Variants in CHL1 observed in about 807,000 individuals in gnomAD.
The protein encoded by CHL1 is neural cell adhesion molecule L1-like protein.
CHL1 carries 96 observed loss-of-function variants against 141.9 expected under a neutral mutation model. The ratio of observed to expected loss-of-function variants is 0.68; its 90% CI spans 0.57 to 0.80. The LOEUF (loss-of-function observed/expected upper bound fraction) is 0.80, where lower values mean the gene tolerates loss of function less well. Ranked by LOEUF, CHL1 falls within the 30% of genes least tolerant of loss-of-function variation. The pLI, the probability that CHL1 is intolerant of heterozygous loss-of-function variation, is 0.00. For synonymous variants in CHL1, 613 were observed against 502.2 expected (o/e 1.22, Z -2.95); for missense variants, 1,820 against 1,457.2 (o/e 1.25, Z -4.05).
At chr3:301,624 C>T (rs745734791) in intron 2 of CHL1, among the ~76,000 whole-genome samples, 6 of 152,194 alleles carry the variant, frequency 3.9e-5, no homozygotes, top group Middle Eastern at 3.2e-3. Flanking sequence ...AGAAGCAAAG[C>T]AGAATTCTTG....
intron 2 of CHL1, among the ~76,000 whole-genome samples, chr3:318,641 A>G (rs773012963): frequency 5.3e-5 from 8 of 151,330 alleles, no homozygotes; most frequent in Non-Finnish European, 1.2e-4. Context: ...AATGAGAAGC[A>G]TCTTACGCCT....
At chr3:328,433 A>C (rs1017153175) in intron 5 of CHL1, 79 bp downstream of exon 5, 2 of 1,199,326 alleles carry the variant, frequency 1.7e-6, no homozygotes, top group African/African-American at 3.1e-5. Context: ...GTTCCAATGA[A>C]ATAAAGCAGT....
Position 375,399 on chromosome 3 carries a change from T to A in CHL1, c.1752-2419T>A, listed in dbSNP as rs554666838. Among the ~76,000 whole-genome samples the A allele has an allele frequency of 1.5e-4, 23 of 151,136 alleles. 1 individual carries two copies. The South Asian group carries it at 4.6e-3, about 30-fold the overall frequency. Reference sequence around the variant, plus strand: ...GGGCATTGAGAATCCAGTGGGAGGGTTTTTCCTTGGCACCAAATAGGAGCT... The same window carrying A: ...GGGCATTGAGAATCCAGTGGGAGGGATTTTCCTTGGCACCAAATAGGAGCT... On this transcript the variant is annotated intron_variant, in intron 15 of 27. Coordinates refer to ENST00000256509, the MANE Select transcript of CHL1 (RefSeq NM_006614.4).
Position 349,411 on chromosome 3 carries a change from A to C in CHL1, c.901A>C (p.Arg301=). ...AATTGGTGGTGACTTACCAAAGGGG[A>C]GAGAAACAAAAGAAAATTATGGCAA... ...NKIGGDLPKG[R]ETKENYGKTL... is the part of the protein sequence containing the mutation. Residue 301 remains arginine, a synonymous_variant, in exon 10 of 28, where the codon AGA becomes CGA. Transcript: ENST00000256509. 1 of 1,613,892 alleles carries C rather than the reference A, an allele frequency of 6.2e-7. No homozygotes were observed. Among genetic ancestry groups the C allele is most frequent in the African/African-American group, 1.3e-5 (1 of 75,048 alleles).
chr3:295,046 C>G (rs1698065129), intron 2 of CHL1, among the ~76,000 whole-genome samples: 1 of 152,124 alleles, frequency 6.6e-6, no homozygotes, highest in South Asian at 2.1e-4. Context: ...TCTCCTTCTC[C>G]TCTTCCTTTC....
chr3:363,052 C>G (rs182485325), intron 13 of CHL1, among the ~76,000 whole-genome samples, 165 bp from the exon 14 acceptor site: 1 of 152,276 alleles, frequency 6.6e-6, no homozygotes, highest in Non-Finnish European at 1.5e-5. Context: ...ATAAGATATA[C>G]AATCTTGGTC....
intron 16 of CHL1, among the ~76,000 whole-genome samples, chr3:381,212 G>A (rs1382917082): frequency 6.6e-6 from 1 of 152,142 alleles, no homozygotes; most frequent in Admixed American, 6.6e-5. Flanking sequence ...GGTCCATTGG[G>A]GAGGACATGT....
intron 1 of CHL1, among the ~76,000 whole-genome samples, chr3:230,362 G>C (rs1701753990): frequency 6.6e-6 from 1 of 152,158 alleles, no homozygotes; most frequent in South Asian, 2.1e-4. Context: ...GGCAGGCTCT[G>C]CATCCACAGC....
chr3:360,508 G>A, intron 12 of CHL1, 84 bp downstream of exon 12: 2 of 1,333,138 alleles, frequency 1.5e-6, no homozygotes, highest in Non-Finnish European at 2.1e-6. Flanking sequence ...ATTAACTCTT[G>A]ACACATAATA....
In CHL1 at chr3:379,100, G is replaced by A. The variant is rs183231460; in HGVS notation, c.1876+1158G>A. Reference sequence around the variant, plus strand: ...TTATCAACAGACCTTTGTGTCTTTAGCACTCCAGCTGTTGGGGCCACCTGT... The same window carrying A: ...TTATCAACAGACCTTTGTGTCTTTAACACTCCAGCTGTTGGGGCCACCTGT... On this transcript the variant is annotated intron_variant, in intron 16 of 27. Coordinates refer to ENST00000256509, the MANE Select transcript of CHL1 (RefSeq NM_006614.4). 2.7e-3 allele frequency among the ~76,000 whole-genome samples: 412 copies of A among 152,164 alleles called. 1 individual carries two copies. The South Asian group carries it at 0.028, about 11-fold the overall frequency.
intron 16 of CHL1, among the ~76,000 whole-genome samples, chr3:378,765 G>A (rs1052267133): frequency 6.6e-6 from 1 of 152,078 alleles, no homozygotes; most frequent in East Asian, 1.9e-4. Context: ...CTGCAGACAG[G>A]GTCTCCTCAC....
At chr3:258,627 A>G (rs111627099) in intron 2 of CHL1, among the ~76,000 whole-genome samples, 1,818 of 152,304 alleles carry the variant, frequency 0.012, 44 homozygotes, top group African/African-American at 0.042. Context: ...TTTTCCGTCC[A>G]TGAGATAATG....
intron 10 of CHL1, among the ~76,000 whole-genome samples, chr3:351,244 A>G (rs1348791498): frequency 1.3e-5 from 2 of 152,232 alleles, no homozygotes; most frequent in African/African-American, 4.8e-5. Context: ...TAGGACTCCA[A>G]AGGAATATAG....
At chr3:343,182 C>A (rs1702476438) in intron 8 of CHL1, 151 bp downstream of exon 8, 3 of 539,180 alleles carry the variant, frequency 5.6e-6, no homozygotes, top group Non-Finnish European at 9.7e-6. Flanking sequence ...GCCCCCCATG[C>A]CCTCTTAAAT....
At chr3:247,116 A>G (rs1211228397) in intron 2 of CHL1, 2 of 151,878 alleles carry the variant, frequency 1.3e-5, no homozygotes, top group Non-Finnish European at 2.9e-5. Context: ...ATGAGATGTT[A>G]ACAGCTGCCT....
At chr3:383,271 A>G (rs1029939273) in intron 18 of CHL1, among the ~76,000 whole-genome samples, 1 of 152,196 alleles carries the variant, frequency 6.6e-6, no homozygotes, top group African/African-American at 2.4e-5. Context: ...GTGCATGTCA[A>G]CCTTTGCACT....
At chr3:289,139 T>A (rs1697435101) in intron 2 of CHL1, among the ~76,000 whole-genome samples, 1 of 152,202 alleles carries the variant, frequency 6.6e-6, no homozygotes, top group Non-Finnish European at 1.5e-5. Context: ...ATTTCTTAGT[T>A]TTACTCCTTT....
intron 15 of CHL1, among the ~76,000 whole-genome samples, chr3:375,550 G>A (rs1275321626): frequency 6.6e-6 from 1 of 151,636 alleles, no homozygotes; most frequent in Non-Finnish European, 1.5e-5. Context: ...AAGGTAATTT[G>A]TTCAAGCAGA....
At chr3:382,964 C>T (rs1019904679) in intron 18 of CHL1, among the ~76,000 whole-genome samples, 2 of 152,086 alleles carry the variant, frequency 1.3e-5, no homozygotes, top group East Asian at 3.9e-4. Context: ...CAAGTAAGTT[C>T]TAAATTAAAA....
Sources: allele counts gnomAD v4.1 joint callset (sites outside exome capture counted in the v4.1 genomes callset), GRCh38; gene constraint gnomAD v4.1.1; transcripts MANE v1.5; gene names NCBI Gene and HGNC (gene_info 2026-07-23, HGNC 2026-07-21).